The following FAM53B variants were observed in gnomAD, a reference collection of about 807,000 sequenced individuals.
FAM53B encodes protein FAM53B.
FAM53B carries 12 observed loss-of-function variants against 32.7 expected under a neutral mutation model. The observed-to-expected ratio is 0.37, with a 90% confidence interval of 0.24 to 0.59. The LOEUF (loss-of-function observed/expected upper bound fraction) is 0.59. FAM53B is among the 20% of genes least tolerant of loss of function. The pLI is 0.72. For missense variants in FAM53B, 477 were observed against 577.7 expected, an observed-to-expected ratio of 0.83 and a Z score of 1.79; for synonymous variants, 234 against 228.7, an observed-to-expected ratio of 1.02 and a Z score of -0.21.
rs569412102 is a variant in FAM53B, at chr10:124,704,537, T to A, written c.78+2099A>T. On this transcript the variant is annotated intron_variant, in intron 2 of 4. Transcript: ENST00000337318. ...GCCAGAGAAGGAAGGAGGGAGGGAG[T>A]ATGTCCTACTGTGGGGAGAGGGCTC... Among the ~76,000 whole-genome samples, 772 of 151,228 alleles carry A rather than the reference T, an allele frequency of 5.1e-3. 2 individuals are homozygous for A. The highest frequency in any genetic ancestry group is 9.5e-3 in the Non-Finnish European group (641 of 67,788).
chr10:124,666,999 T>C (rs375915035), intron 4 of FAM53B, among the ~76,000 whole-genome samples: 3 of 152,304 alleles, frequency 2.0e-5, no homozygotes, highest in East Asian at 3.9e-4. Flanking sequence ...AAAGGGTCTA[T>C]GGCAGCACCA....
intron 4 of FAM53B, among the ~76,000 whole-genome samples, chr10:124,660,394 A>G (rs1949623053): frequency 6.6e-6 from 1 of 152,222 alleles, no homozygotes; most frequent in Non-Finnish European, 1.5e-5. Flanking sequence ...CCCCAGAGTA[A>G]TGCCATTTTC....
At chr10:124,623,649 C>T (rs1949327391) in intron 4 of FAM53B, 45 bp from the exon 5 acceptor site, 1 of 1,567,316 alleles carries the variant, frequency 6.4e-7, no homozygotes. Context: ...TACTCCCCTC[C>T]CGCAGCCCCA....
intron 3 of FAM53B, among the ~76,000 whole-genome samples, chr10:124,684,576 G>C (rs765662946): frequency 6.6e-6 from 1 of 152,144 alleles, no homozygotes; most frequent in African/African-American, 2.4e-5. Flanking sequence ...CTGGAGTACA[G>C]TGGCATAATC....
chr10:124,690,382 C>T (rs1282305304), intron 3 of FAM53B, among the ~76,000 whole-genome samples: 1 of 152,218 alleles, frequency 6.6e-6, no homozygotes, highest in African/African-American at 2.4e-5. Context: ...AGAGCCCAGA[C>T]GTCAACCTAG....
Position 124,682,061 on chromosome 10 carries a change from C to A in FAM53B, c.452G>T (p.Ser151Ile). ...GAAGCCGTTGGAATAGCGCTGGACG[C>A]TGCCCCCGCTGTAGCAGCGTCTCTT... ...VEKRRCYSGG[S>I]VQRYSNGFST... The change falls in exon 4 of 5, where the codon AGC becomes ATC. Residue 151 changes from serine to isoleucine, a missense_variant. By Grantham distance (142) the Ser-to-Ile change is moderately radical (BLOSUM62 -2). This residue lies in a region of FAM53B where 312 missense variants were observed against 420.2 expected (regional missense o/e 0.74). Coordinates refer to ENST00000337318, the MANE Select transcript of FAM53B (RefSeq NM_014661.4). The surrounding 1 kb of genome is among the most constrained non-coding windows in gnomAD (Gnocchi z 5.2). The A allele has an allele frequency of 6.2e-7, 1 of 1,613,752 alleles. No homozygotes were observed. Among genetic ancestry groups the A allele is most frequent in the Non-Finnish European group, 8.5e-7 (1 of 1,179,850 alleles).
intron 4 of FAM53B, among the ~76,000 whole-genome samples, chr10:124,675,918 C>T (rs756174354): frequency 9.9e-5 from 15 of 152,230 alleles, no homozygotes; most frequent in Non-Finnish European, 1.8e-4. Flanking sequence ...CGTTCAATTA[C>T]CCATCAATTA....
intron 4 of FAM53B, chr10:124,667,377 C>A: frequency 1.3e-6 from 1 of 764,620 alleles, no homozygotes; most frequent in Non-Finnish European, 2.4e-6. Context: ...GACTCAGCCA[C>A]CGCCTGTAAA....
chr10:124,628,635 C>T (rs1291381699), intron 4 of FAM53B, among the ~76,000 whole-genome samples: 9 of 152,198 alleles, frequency 5.9e-5, no homozygotes, highest in Non-Finnish European at 1.2e-4. Flanking sequence ...AGTCCCAAAC[C>T]CACAGCAGTG....
intron 4 of FAM53B, among the ~76,000 whole-genome samples, chr10:124,670,321 G>C (rs141892975): frequency 6.6e-6 from 1 of 152,204 alleles, no homozygotes; most frequent in African/African-American, 2.4e-5. Flanking sequence ...GGCCGTCTGC[G>C]GTCGAACCCC....
chr10:124,712,351 G>A (rs890963096), intron 1 of FAM53B, among the ~76,000 whole-genome samples: 2 of 152,044 alleles, frequency 1.3e-5, no homozygotes, highest in Admixed American at 6.6e-5. Context: ...GCAATACCCT[G>A]TCTCAAAAAA....
At position 124,619,631 on chromosome 10, in the gene FAM53B, A is replaced by T. The variant is rs1280936402; in HGVS notation, c.*3611T>A. On this transcript the variant is annotated 3_prime_UTR_variant, in exon 5 of 5. Transcript: ENST00000337318. Reference sequence around the variant, plus strand: ...GGTCAGACTATCCTATCTAGGCTACAAGATCTCCACTTCGGTCTGCCATTA... The same window carrying T: ...GGTCAGACTATCCTATCTAGGCTACTAGATCTCCACTTCGGTCTGCCATTA... The T allele has an allele frequency of 6.6e-6, 1 of 152,130 alleles. No homozygotes were observed. Among genetic ancestry groups the T allele is most frequent in the Non-Finnish European group, 1.5e-5 (1 of 67,908 alleles). The allele number at this position is 152,130 out of a possible 1,614,324, so 9.4% of individuals were successfully genotyped here. A position where few individuals can be genotyped will look rare whatever the true frequency, so the allele number is the denominator to read the frequency against.
At chr10:124,732,709 A>C (rs566038031) in intron 1 of FAM53B, among the ~76,000 whole-genome samples, 9 of 152,116 alleles carry the variant, frequency 5.9e-5, no homozygotes, top group Non-Finnish European at 1.0e-4. Context: ...AAATACAAAA[A>C]TTAGCTGGGC....
chr10:124,670,409 A>G (rs1358315420), intron 4 of FAM53B, among the ~76,000 whole-genome samples: 1 of 152,108 alleles, frequency 6.6e-6, no homozygotes, highest in Non-Finnish European at 1.5e-5. Context: ...CAGAGCCCTG[A>G]TGGCATTCCA....
intron 1 of FAM53B, among the ~76,000 whole-genome samples, chr10:124,741,102 T>A (rs1397960263): frequency 2.0e-5 from 3 of 152,232 alleles, no homozygotes; most frequent in Non-Finnish European, 1.5e-5. Context: ...TTCCCCTTGC[T>A]GGATCAATTA....
At chr10:124,635,115 C>CAA (rs1949420664) in intron 4 of FAM53B, among the ~76,000 whole-genome samples, 1 of 152,134 alleles carries the variant, frequency 6.6e-6, no homozygotes, top group African/African-American at 2.4e-5. Context: ...TTTTTGGAGA[C>CAA]AGAGTCTTGC....
chr10:124,640,311 C>A (rs936230169), intron 4 of FAM53B, among the ~76,000 whole-genome samples: 2 of 152,194 alleles, frequency 1.3e-5, no homozygotes, highest in Non-Finnish European at 2.9e-5. Context: ...CAGCTCTGCG[C>A]GGCAGGTTGG....
At chr10:124,657,124 A>G (rs941144249) in intron 4 of FAM53B, among the ~76,000 whole-genome samples, 1 of 146,620 alleles carries the variant, frequency 6.8e-6, no homozygotes, top group African/African-American at 2.5e-5. Context: ...GTGTGTATAT[A>G]TATGTGTGTA....
chr10:124,711,676 G>A (rs531769263), intron 1 of FAM53B, among the ~76,000 whole-genome samples: 23 of 152,244 alleles, frequency 1.5e-4, no homozygotes, highest in South Asian at 8.3e-4. Flanking sequence ...CCGTGTGCGC[G>A]GGAAGGGGAG....
Sources: gnomAD v4.1 joint callset for allele counts (sites outside exome capture counted in the v4.1 genomes callset) on GRCh38, gnomAD v4.1.1 for gene constraint, gnomAD v4.1.1 regional missense constraint, Gnocchi (gnomAD v3.1) non-coding constraint, MANE v1.5 for transcripts, NCBI Gene and HGNC (gene_info 2026-07-23, HGNC 2026-07-21) for gene names.